MTTP: variants seen among roughly 807,000 people sequenced by gnomAD.
MTTP encodes the protein microsomal triglyceride transfer protein large subunit.
Under a neutral mutation model 90.6 loss-of-function variants are expected in MTTP, and 49 were observed. That is an observed-to-expected ratio of 0.54 (90% CI 0.43 to 0.69). The LOEUF (loss-of-function observed/expected upper bound fraction) is 0.69. MTTP is among the 30% of genes least tolerant of loss of function. The probability of loss-of-function intolerance (pLI) is 0.00; values close to 1 mark genes in which losing one functional copy is unlikely to be tolerated. For missense variants in MTTP, 945 were observed against 1,067.5 expected, an observed-to-expected ratio of 0.89 and a Z score of 1.60; for synonymous variants, 347 against 384.2, an observed-to-expected ratio of 0.90 and a Z score of 1.13.
chr4:99,614,138 T>C (rs1726032032), intron 15 of MTTP, among the ~76,000 whole-genome samples: 1 of 152,230 alleles, frequency 6.6e-6, no homozygotes. Context: ...TTTTAATACA[T>C]TAATGGATAA....
intron 4 of MTTP, 26 bp from the exon 5 acceptor site, chr4:99,591,209 C>T (rs1725409329): frequency 6.7e-7 from 1 of 1,502,162 alleles, no homozygotes; most frequent in African/African-American, 1.4e-5. Context: ...GAATCCCAAG[C>T]ATTATGCCCT....
chr4:99,618,186 G>A (rs1726143093), intron 15 of MTTP, among the ~76,000 whole-genome samples: 1 of 152,154 alleles, frequency 6.6e-6, no homozygotes, highest in Non-Finnish European at 1.5e-5. Flanking sequence ...GGGAGGATGG[G>A]TGTAGGTTAC....
At chr4:99,619,120 A>G (rs1726170529) in intron 16 of MTTP, 22 bp downstream of exon 16, 4 of 1,600,348 alleles carry the variant, frequency 2.5e-6, no homozygotes, top group African/African-American at 1.3e-5. Flanking sequence ...TGCATTATAC[A>G]TTTATGAATT....
At chr4:99,579,771 C>T (rs1725058445) in intron 1 of MTTP, among the ~76,000 whole-genome samples, 1 of 151,976 alleles carries the variant, frequency 6.6e-6, no homozygotes, top group South Asian at 2.1e-4. Context: ...GGTGCGGTGG[C>T]TCACACCTGT....
At chr4:99,576,597 C>A (rs11947616) in intron 1 of MTTP, among the ~76,000 whole-genome samples, 38,350 of 144,002 alleles carry the variant, frequency 0.27, 5,132 homozygotes, top group South Asian at 0.35. Context: ...TGGGAGGCTG[C>A]GGCAGGAGAA....
intron 1 of MTTP, 74 bp from the exon 2 acceptor site, chr4:99,581,829 TAG>T: frequency 2.1e-6 from 3 of 1,452,182 alleles, no homozygotes; most frequent in Non-Finnish European, 2.9e-6. Flanking sequence ...CCCACTGTGG[TAG>T]AGAGATGCAC....
chr4:99,601,770 TACTC>T (rs1196622747), intron 10 of MTTP, 56 bp downstream of exon 10: 12 of 1,300,954 alleles, frequency 9.2e-6, no homozygotes, highest in Non-Finnish European at 1.3e-5. Context: ...GTCCATTTGA[TACTC>T]ACCATGCTGC....
upstream of MTTP, chr4:99,570,683 T>A (rs951114385): frequency 2.2e-6 from 1 of 455,766 alleles, no homozygotes; most frequent in Non-Finnish European, 4.4e-6. Flanking sequence ...GTAAAAAGAT[T>A]ATCCTGGATT....
At chr4:99,610,281 G>A (rs541822633) in intron 12 of MTTP, among the ~76,000 whole-genome samples, 6 of 152,092 alleles carry the variant, frequency 3.9e-5, no homozygotes, top group Non-Finnish European at 7.4e-5. Flanking sequence ...TTTATCCCAG[G>A]AGCAAAGCAA....
At chr4:99,612,215 T>C (rs1254151503) in intron 14 of MTTP, among the ~76,000 whole-genome samples, 3 of 152,180 alleles carry the variant, frequency 2.0e-5, no homozygotes, top group Non-Finnish European at 4.4e-5. Flanking sequence ...TATGCCTTTC[T>C]GTCCTGAGGA....
Position 99,622,946 on chromosome 4 carries a change from T to A in MTTP, c.*98T>A, listed in dbSNP as rs886058961. 65 of 1,379,766 alleles carry A rather than the reference T, an allele frequency of 4.7e-5. No individual in the cohort carries two copies. Among genetic ancestry groups the A allele is most frequent in the Non-Finnish European group, 4.1e-6 (4 of 970,440 alleles). 85.5% of individuals were successfully genotyped at this position (1,379,766 alleles called of 1,614,324 possible). On this transcript the variant is annotated 3_prime_UTR_variant, in exon 18 of 18. Transcript: ENST00000265517. The stretch of plus-strand genomic sequence containing the variant: ...TCTCTGAGAGCACAGCGTTTACATA[T>A]TTACCTGTATTTAAGATTTTTGTAA...
upstream of MTTP, among the ~76,000 whole-genome samples, chr4:99,571,716 T>C (rs1397975227): frequency 6.6e-6 from 1 of 151,960 alleles, no homozygotes; most frequent in Non-Finnish European, 1.5e-5. Context: ...AAATATTGTA[T>C]GTATTCCTAT....
Position 99,597,176 on chromosome 4 carries a change from A to G in MTTP, c.1019A>G (p.Lys340Arg), listed in dbSNP as rs141952915. 8 of 1,613,934 alleles carry G rather than the reference A, an allele frequency of 5.0e-6. No homozygotes were observed. The highest frequency in any genetic ancestry group is 1.3e-5 in the African/African-American group (1 of 74,918). Residue 340 changes from lysine to arginine, a missense_variant, in exon 8 of 18, where the codon AAG becomes AGG. Coordinates refer to ENST00000265517, the MANE Select transcript of MTTP (RefSeq NM_001386140.1). ...LAFIQHLRTA[K>R]KEEILQILKM... ...TTCATTCAGCACCTCAGGACTGCGA[A>G]GAAAGAAGAGATCCTTCAAATACTA...
chr4:99,574,288 A>G (rs549276050), upstream of MTTP, among the ~76,000 whole-genome samples: 1 of 152,238 alleles, frequency 6.6e-6, no homozygotes, highest in Admixed American at 6.5e-5. Context: ...TCTATGTTTC[A>G]TGAAAGTTCT....
chr4:99,613,784 A>G (rs2110233730), intron 15 of MTTP, among the ~76,000 whole-genome samples: 1 of 152,318 alleles, frequency 6.6e-6, no homozygotes, highest in Non-Finnish European at 1.5e-5. Context: ...GTACCAAAAA[A>G]TGACAATACT....
chr4:99,607,111 C>A (rs944907056), intron 11 of MTTP, 151 bp downstream of exon 11: 1 of 706,322 alleles, frequency 1.4e-6, no homozygotes, highest in Non-Finnish European at 2.4e-6. Flanking sequence ...ATTGCATTTG[C>A]GGCTATTCTA....
chr4:99,615,974 C>T (rs1373928645), intron 15 of MTTP, among the ~76,000 whole-genome samples: 1 of 152,194 alleles, frequency 6.6e-6, no homozygotes, highest in Non-Finnish European at 1.5e-5. Context: ...CAAACAAGGA[C>T]ATAAACCTAT....
intron 1 of MTTP, among the ~76,000 whole-genome samples, chr4:99,566,891 C>A (rs1312000788): frequency 6.6e-6 from 1 of 152,176 alleles, no homozygotes; most frequent in Non-Finnish European, 1.5e-5. Context: ...GCAATCATTA[C>A]AAATTCCATT....
At chr4:99,590,055 T>C (rs1167665354) in intron 4 of MTTP, among the ~76,000 whole-genome samples, 2 of 152,142 alleles carry the variant, frequency 1.3e-5, no homozygotes, top group African/African-American at 2.4e-5. Context: ...AGATTCCCTA[T>C]ATTCATCCCA....
Sources: allele counts gnomAD v4.1 joint callset (sites outside exome capture counted in the v4.1 genomes callset), GRCh38; gene constraint gnomAD v4.1.1; transcripts MANE v1.5; gene names NCBI Gene and HGNC (gene_info 2026-07-23, HGNC 2026-07-21).